ZDHHC17: variants seen among roughly 807,000 people sequenced by gnomAD.
The protein encoded by ZDHHC17 is palmitoyltransferase ZDHHC17.
A neutral mutation model predicts 90.3 loss-of-function variants in ZDHHC17; 40 were observed. That is an observed-to-expected ratio of 0.44 (90% confidence interval 0.34 to 0.58). ZDHHC17 has a LOEUF of 0.58. Among genes scored for constraint, ZDHHC17 ranks in the 20% least tolerant of loss-of-function variants. The probability of loss-of-function intolerance (pLI) is 0.01; values close to 1 mark genes in which losing one functional copy is unlikely to be tolerated. For missense variants in ZDHHC17, 614 were observed against 780.8 expected (o/e 0.79, Z 2.55); for synonymous variants, 235 against 252.4 (o/e 0.93, Z 0.65).
At chr12:76,788,004 AGTTCCAGGC>A (rs1274858772) in intron 1 of ZDHHC17, among the ~76,000 whole-genome samples, 13 of 152,300 alleles carry the variant, frequency 8.5e-5, no homozygotes, top group African/African-American at 3.1e-4. Flanking sequence ...TGAGCCCAGG[AGTTCCAGGC>A]TGTAGTGGTG....
rs149182182 is a variant in ZDHHC17 at position 76,823,895 on chromosome 12, A to T, written c.897+1364A>T. On this transcript the variant is annotated intron_variant, in intron 8 of 16. Coordinates refer to ENST00000426126, the MANE Select transcript of ZDHHC17 (RefSeq NM_015336.4). ...CTCTTCTGTTTAATTATTAGATATG[A>T]TATAGAAAATGATTTATTTTGTGTT... 1.6e-4 allele frequency among the ~76,000 whole-genome samples: 24 copies of T among 152,218 alleles called. No homozygotes were observed. The East Asian group carries it at 4.2e-3, about 27-fold the overall frequency.
chr12:76,806,511 A>G (rs1952955105), intron 3 of ZDHHC17, among the ~76,000 whole-genome samples: 1 of 152,196 alleles, frequency 6.6e-6, no homozygotes, highest in African/African-American at 2.4e-5. Flanking sequence ...CTATATAAAT[A>G]TAGGCATATG....
At chr12:76,811,054 A>G (rs1185190199) in intron 5 of ZDHHC17, among the ~76,000 whole-genome samples, 1 of 152,218 alleles carries the variant, frequency 6.6e-6, no homozygotes, top group Non-Finnish European at 1.5e-5. Context: ...TAGAGCTCCC[A>G]AAAGAACAAA....
Position 76,815,977 on chromosome 12 carries a change from T to C in ZDHHC17, c.729T>C (p.Leu243=). Residue 243 remains leucine (L), a synonymous_variant, in exon 7 of 17, where the codon CTT becomes CTC. Transcript: ENST00000426126. Reference sequence around the variant, plus strand: ...CAGGGAATACCACAGTCATTAGCCTTCTTCTGGAAGCTGGAGCTAATGTTG... The same window carrying C: ...CAGGGAATACCACAGTCATTAGCCTCCTTCTGGAAGCTGGAGCTAATGTTG... ...VLAGNTTVIS[L]LLEAGANVDA... 3 of 1,570,144 alleles carry C rather than the reference T, an allele frequency of 1.9e-6. No homozygotes were observed. The highest frequency in any genetic ancestry group is 1.2e-5 in the South Asian group (1 of 83,928).
intron 5 of ZDHHC17, chr12:76,813,458 C>CG (rs1474647135): frequency 2.8e-6 from 1 of 357,106 alleles, no homozygotes; most frequent in Non-Finnish European, 5.6e-6. Context: ...TGGTGAGTGA[C>CG]TAAGTTAATG....
intron 1 of ZDHHC17, among the ~76,000 whole-genome samples, chr12:76,775,210 C>G (rs183666874): frequency 0.011 from 1,679 of 152,330 alleles, 11 homozygotes; most frequent in Non-Finnish European, 0.017. Flanking sequence ...AGTTTGATTA[C>G]TGATTGTTTT....
intron 1 of ZDHHC17, among the ~76,000 whole-genome samples, chr12:76,792,663 C>G (rs540513988): frequency 6.6e-6 from 1 of 151,714 alleles, no homozygotes; most frequent in African/African-American, 2.4e-5. Flanking sequence ...TTAAAACAAA[C>G]AAAAAAACCT....
chr12:76,813,780 T>C (rs769526258), intron 5 of ZDHHC17, among the ~76,000 whole-genome samples: 2 of 152,104 alleles, frequency 1.3e-5, no homozygotes, highest in African/African-American at 4.8e-5. Context: ...AGCTGTTGAC[T>C]AGATGCTTTG....
At chr12:76,812,710 ATTTTG>A (rs922876375) in intron 5 of ZDHHC17, among the ~76,000 whole-genome samples, 5 of 151,840 alleles carry the variant, frequency 3.3e-5, no homozygotes, top group Non-Finnish European at 7.4e-5. Flanking sequence ...CCATTTTCCC[ATTTTG>A]TTGTTAATTA....
At chr12:76,799,238 C>T (rs376119644) in intron 2 of ZDHHC17, among the ~76,000 whole-genome samples, 5 of 152,158 alleles carry the variant, frequency 3.3e-5, no homozygotes, top group Non-Finnish European at 5.9e-5. Context: ...TCTTTTTGAT[C>T]ATCTGCATAT....
chr12:76,789,763 TGAGTC>T (rs2137735415), intron 1 of ZDHHC17, among the ~76,000 whole-genome samples: 1 of 152,062 alleles, frequency 6.6e-6, no homozygotes, highest in East Asian at 1.9e-4. Flanking sequence ...ATACATAACT[TGAGTC>T]TAGTAATGAG....
At chr12:76,829,581 A>G (rs1052430139) in intron 10 of ZDHHC17, among the ~76,000 whole-genome samples, 9 of 148,968 alleles carry the variant, frequency 6.0e-5, no homozygotes, top group Admixed American at 1.3e-4. Flanking sequence ...TGAAACTTGT[A>G]TTTTTCTAAC....
intron 1 of ZDHHC17, among the ~76,000 whole-genome samples, chr12:76,766,444 A>G (rs1044863786): frequency 3.9e-5 from 6 of 152,204 alleles, no homozygotes; most frequent in African/African-American, 1.4e-4. Context: ...TTCTAGTTTC[A>G]TCATTTATAA....
intron 9 of ZDHHC17, 36 bp from the exon 10 acceptor site, chr12:76,828,354 A>C: frequency 1.3e-6 from 2 of 1,491,806 alleles, no homozygotes; most frequent in Non-Finnish European, 1.8e-6. Context: ...ACAATGAAAT[A>C]TAGAGCTCAT....
chr12:76,820,949 A>T, intron 7 of ZDHHC17: 1 of 627,882 alleles, frequency 1.6e-6, no homozygotes, highest in South Asian at 1.6e-5. Flanking sequence ...TCTTTAAATG[A>T]ATTGAGTGTT....
chr12:76,836,844 G>A (rs1006629881), intron 10 of ZDHHC17, among the ~76,000 whole-genome samples: 31 of 152,226 alleles, frequency 2.0e-4, no homozygotes, highest in East Asian at 3.9e-4. Flanking sequence ...TCATTATTAA[G>A]TATGTGTAAG....
At chr12:76,831,959 C>CCA (rs1953307200) in intron 10 of ZDHHC17, among the ~76,000 whole-genome samples, 1 of 152,138 alleles carries the variant, frequency 6.6e-6, no homozygotes, top group African/African-American at 2.4e-5. Context: ...TTTGTTTGAA[C>CCA]ATTTGTGTAG....
intron 12 of ZDHHC17, among the ~76,000 whole-genome samples, chr12:76,843,460 G>A (rs1953459039): frequency 6.6e-6 from 1 of 151,730 alleles, no homozygotes; most frequent in Non-Finnish European, 1.5e-5. Flanking sequence ...GAATGTTTAT[G>A]TAACTTTGAA....
At chr12:76,774,333 TAC>T (rs146148501) in intron 1 of ZDHHC17, among the ~76,000 whole-genome samples, 35 of 148,712 alleles carry the variant, frequency 2.4e-4, no homozygotes, top group South Asian at 6.4e-4. Context: ...TATATATACA[TAC>T]ACACACACAC....
Sources: gnomAD v4.1 joint callset for allele counts (sites outside exome capture counted in the v4.1 genomes callset) on GRCh38, gnomAD v4.1.1 for gene constraint, MANE v1.5 for transcripts, NCBI Gene and HGNC (gene_info 2026-07-23, HGNC 2026-07-21) for gene names.